MAN2A2: variants seen among roughly 807,000 people sequenced by gnomAD.
MAN2A2 encodes mannosidase alpha class 2A member 2.
A neutral mutation model predicts 126.8 loss-of-function variants in MAN2A2; 79 were observed. The ratio of observed to expected loss-of-function variants is 0.62; its 90% CI spans 0.52 to 0.75. The LOEUF (loss-of-function observed/expected upper bound fraction) is 0.75, where lower values mean the gene tolerates loss of function less well. MAN2A2 is among the 30% of genes least tolerant of loss of function. The pLI, the probability that MAN2A2 is intolerant of heterozygous loss-of-function variation, is 0.00. For missense variants in MAN2A2, 1,392 were observed against 1,522.4 expected, an observed-to-expected ratio of 0.91 and a Z score of 1.43; for synonymous variants, 671 against 618.7, an observed-to-expected ratio of 1.08 and a Z score of -1.25.
rs1415628616 is a variant in MAN2A2, at chr15:90,916,139, C to G, written c.2877C>G (p.Ile959Met). Residue 959 changes from isoleucine to methionine, a missense_variant, in exon 20 of 23, where the codon ATC (isoleucine) becomes ATG (methionine). Coordinates refer to ENST00000559717, the MANE Select transcript of MAN2A2 (RefSeq NM_006122.4). Reference protein sequence around the residue: ...SSLKDGQLEVILDRRLMQDDN... With the variant: ...SSLKDGQLEVMLDRRLMQDDN... The stretch of plus-strand genomic sequence containing the variant: ...CTTCCCCAGGCCAGCTGGAGGTGAT[C>G]TTGGACCGGCGGCTGATGCAGGATG... The G allele has an allele frequency of 6.2e-7, 1 of 1,614,074 alleles. No individual in the cohort carries two copies. Among genetic ancestry groups the G allele is most frequent in the Non-Finnish European group, 8.5e-7 (1 of 1,179,988 alleles).
chr15:90,910,837 C>T lies in MAN2A2; in HGVS notation c.1761-10C>T, dbSNP rs754701818. The T allele has an allele frequency of 5.0e-6, 8 of 1,611,366 alleles. No individual in the cohort carries two copies. Among genetic ancestry groups the T allele is most frequent in the Non-Finnish European group, 6.8e-6 (8 of 1,177,688 alleles). On this transcript the variant is annotated splice_polypyrimidine_tract_variant and intron_variant, in intron 11 of 22. Transcript: ENST00000559717. ...ATCTTCTCTCCTTCCCTCTCCTGCG[C>T]CACCCACAGGCTTCTGCGCTCCCTT...
chr15:90,918,826 G>A (rs1029317601), intron 22 of MAN2A2, 71 bp downstream of exon 22: 118 of 1,108,686 alleles, frequency 1.1e-4, no homozygotes, highest in Non-Finnish European at 1.5e-4. Flanking sequence ...GCTGAGATTC[G>A]GTGACAGGCT....
intron 10 of MAN2A2, 63 bp downstream of exon 10, chr15:90,910,355 G>T: frequency 6.3e-7 from 1 of 1,596,086 alleles, no homozygotes; most frequent in Non-Finnish European, 8.6e-7. Flanking sequence ...TTTAAGGAGG[G>T]GCTGGATTGG....
In MAN2A2 at chr15:90,904,292, G is replaced by A. The variant is rs750038021; in HGVS notation, c.85G>A (p.Val29Met). 2.5e-6 allele frequency: 4 copies of A among 1,614,028 alleles called. No individual in the cohort carries two copies. The highest frequency in any genetic ancestry group is 3.4e-6 in the Non-Finnish European group (4 of 1,180,034). Reference sequence around the variant, plus strand: ...CTCGCTCTACCTCATGCTGGACCGAGTGCAACACGATCCCACCCGACACCA... The same window carrying A: ...CTCGCTCTACCTCATGCTGGACCGAATGCAACACGATCCCACCCGACACCA... ...VFSLYLMLDR[V>M]QHDPTRHQNG... The change falls in exon 2 of 23, where the codon GTG (valine) becomes ATG (methionine). Residue 29 changes from valine (V) to methionine (M), a missense_variant. Physicochemically the swap from Val to Met is conservative, Grantham distance 21. Transcript: ENST00000559717.
chr15:90,907,705 G>A (rs967663160), intron 8 of MAN2A2, among the ~76,000 whole-genome samples: 1 of 152,214 alleles, frequency 6.6e-6, no homozygotes, highest in Non-Finnish European at 1.5e-5. Context: ...AGTACTTCTT[G>A]ATGCCCTAAC....
chr15:90,919,930 A>C lies in MAN2A2; in HGVS notation c.*143A>C. 1 of 1,004,710 alleles carries C rather than the reference A, an allele frequency of 1.0e-6. No homozygotes were observed. The highest frequency in any genetic ancestry group is 1.4e-6 in the Non-Finnish European group (1 of 693,168). The allele number at this position is 1,004,710 out of a possible 1,614,324, so 62.2% of individuals were successfully genotyped here. A position where few individuals can be genotyped will look rare whatever the true frequency, so the allele number is the denominator to read the frequency against. ...TGGGCTCTGCCCTCATTTTCTGTTT[A>C]TTGCTGCTGCTGTGTTTTCGGCGCA... On this transcript the variant is annotated 3_prime_UTR_variant, in exon 23 of 23. Coordinates refer to ENST00000559717, the MANE Select transcript of MAN2A2 (RefSeq NM_006122.4).
At position 90,922,459 on chromosome 15, in the gene MAN2A2, G is replaced by A. The variant is rs984844518; in HGVS notation, c.*2672G>A. On this transcript the variant is annotated 3_prime_UTR_variant, in exon 23 of 23. Coordinates refer to ENST00000559717, the MANE Select transcript of MAN2A2 (RefSeq NM_006122.4). ...TGTGAGCTATAATCCTACTAGTAAA[G>A]GATGCTAAGCAGTTCCACTGTGGCA... 6.6e-6 allele frequency: 1 copy of A among 152,170 alleles called. No individual in the cohort carries two copies. The highest frequency in any genetic ancestry group is 1.5e-5 in the Non-Finnish European group (1 of 68,036). 9.4% of individuals were successfully genotyped at this position (152,170 alleles called of 1,614,324 possible).
rs1263072325 is a variant in MAN2A2 at position 90,904,304 on chromosome 15, C to T, written c.97C>T (p.Pro33Ser). 1 of 1,614,126 alleles carries T rather than the reference C, an allele frequency of 6.2e-7. No individual in the cohort carries two copies. Among genetic ancestry groups the T allele is most frequent in the South Asian group, 1.1e-5 (1 of 91,086 alleles). Residue 33 changes from proline (P) to serine (S), a missense_variant, in exon 2 of 23, where the codon CCC becomes TCC. By Grantham distance (74) the Pro-to-Ser change is moderately conservative. Transcript: ENST00000559717. ...CATGCTGGACCGAGTGCAACACGAT[C>T]CCACCCGACACCAGAATGGTGGGAA... is the stretch of plus-strand genomic sequence containing the variant. ...YLMLDRVQHD[P>S]TRHQNGGNFP...
Position 90,910,624 on chromosome 15 carries a change from G to C in MAN2A2, c.1701G>C (p.Gln567His). 4 of 1,614,174 alleles carry C rather than the reference G, an allele frequency of 2.5e-6. No individual in the cohort carries two copies. Among genetic ancestry groups the C allele is most frequent in the Non-Finnish European group, 3.4e-6 (4 of 1,180,026 alleles). ...TEARRTLGLFQHHDAITGTAK... is the reference protein window; with the variant it reads ...TEARRTLGLFHHHDAITGTAK... ...CTCGGCGCACATTGGGGCTCTTCCA[G>C]CATCACGATGCCATCACTGGCACGG... The change falls in exon 11 of 23, where the codon CAG becomes CAC. Residue 567 changes from glutamine (Q) to histidine (H), a missense_variant. By Grantham distance (24) the Gln-to-His change is conservative. Coordinates refer to ENST00000559717, the MANE Select transcript of MAN2A2 (RefSeq NM_006122.4).
Position 90,906,454 on chromosome 15 carries a change from T to C in MAN2A2, c.792T>C (p.Ile264=). ...CCAATTCCCACTACTTTGCATTGAT[T>C]GACCAGCTCATCGAAGGACACCAGT... is the stretch of plus-strand genomic sequence containing the variant. ...DEANSHYFAL[I]DQLIEGHQWL... Residue 264 remains isoleucine (I), a synonymous_variant, in exon 6 of 23, where the codon ATT becomes ATC. Transcript: ENST00000559717. 1 of 1,614,152 alleles carries C rather than the reference T, an allele frequency of 6.2e-7. No homozygotes were observed. Among genetic ancestry groups the C allele is most frequent in the Non-Finnish European group, 8.5e-7 (1 of 1,179,996 alleles).
In MAN2A2 at chr15:90,905,864, C is replaced by A; in HGVS notation, c.555C>A (p.Asp185Glu). Residue 185 changes from aspartate (D) to glutamate (E), a missense_variant, in exon 5 of 23, where the codon GAC becomes GAA. Physicochemically the swap from Asp to Glu is conservative, Grantham distance 45. Coordinates refer to ENST00000559717, the MANE Select transcript of MAN2A2 (RefSeq NM_006122.4). Reference protein sequence around the residue: ...HNDPGWIKTFDKYYTEQTQHI... With the variant: ...HNDPGWIKTFEKYYTEQTQHI... ...CCCTAGGCTGGATCAAGACCTTTGA[C>A]AAGTACTACACAGAGCAGACCCAAC... 6.3e-7 allele frequency: 1 copy of A among 1,579,326 alleles called. No homozygotes were observed. The highest frequency in any genetic ancestry group is 8.6e-7 in the Non-Finnish European group (1 of 1,162,332).
chr15:90,916,744 G>A (rs2035217654), intron 20 of MAN2A2: 1 of 1,027,684 alleles, frequency 9.7e-7, no homozygotes, highest in African/African-American at 1.7e-5. Context: ...CCGCCACTCA[G>A]TCACTCGTGC....
intron 20 of MAN2A2, 117 bp downstream of exon 20, chr15:90,916,373 G>A (rs1354089397): frequency 7.2e-7 from 1 of 1,380,428 alleles, no homozygotes; most frequent in Non-Finnish European, 9.9e-7. Context: ...AGAGAGAGTA[G>A]GGCTGAATTC....
chr15:90,910,997 G>C, intron 12 of MAN2A2, 36 bp downstream of exon 12: 1 of 1,565,544 alleles, frequency 6.4e-7, no homozygotes. Context: ...GGACCCTCTG[G>C]TGTGTGCAGG....
rs2035496625 is a variant in MAN2A2 at position 90,920,547 on chromosome 15, GT to G, written c.*761del. ...TGATTTGTGGGATGGTGGCAGGGGT[GT>G]GGGGTCCTTCACCCTGCCTGAATTC... On this transcript the variant is annotated 3_prime_UTR_variant, in exon 23 of 23. Transcript: ENST00000559717. 6.6e-6 allele frequency: 1 copy of G among 152,338 alleles called. No individual in the cohort carries two copies. The highest frequency in any genetic ancestry group is 1.5e-5 in the Non-Finnish European group (1 of 68,110). The allele number at this position is 152,338 out of a possible 1,614,324, so 9.4% of individuals were successfully genotyped here. A position where few individuals can be genotyped will look rare whatever the true frequency, so the allele number is the denominator to read the frequency against.
Position 90,910,946 on chromosome 15 carries a change from GC to G in MAN2A2, c.1863del (p.Phe622SerfsTer9). The G allele has an allele frequency of 6.2e-7, 1 of 1,613,826 alleles. No homozygotes were observed. Among genetic ancestry groups the G allele is most frequent in the Non-Finnish European group, 8.5e-7 (1 of 1,179,802 alleles). On this transcript the variant is annotated frameshift_variant, in exon 12 of 23. Transcript: ENST00000559717. LOFTEE classifies it high-confidence loss of function. ...KETYHFDPEA[P>X]FLQVDDTRLS... ...AGACCTACCACTTTGACCCTGAGGCGCCCTTCCTCCAAGTGGTGAGCCCCTC... is the reference window on the plus strand; with the variant it reads ...AGACCTACCACTTTGACCCTGAGGCGCCTTCCTCCAAGTGGTGAGCCCCTC...
chr15:90,918,318 C>T lies in MAN2A2; in HGVS notation c.3119C>T (p.Ser1040Leu), dbSNP rs747316966. ...CAGCTCCCAGGCCCTGGTCTGCGCTCATTTCATCCTCTGGCTTCCTCACTG... is the reference window on the plus strand; with the variant it reads ...CAGCTCCCAGGCCCTGGTCTGCGCTTATTTCATCCTCTGGCTTCCTCACTG... ...RMQLPGPGLR[S>L]FHPLASSLPC... The change falls in exon 21 of 23, where the codon TCA becomes TTA. Residue 1040 changes from serine to leucine, a missense_variant. Ser to Leu is a moderately radical substitution (Grantham distance 145, BLOSUM62 -2). Coordinates refer to ENST00000559717, the MANE Select transcript of MAN2A2 (RefSeq NM_006122.4). 2 of 1,614,194 alleles carry T rather than the reference C, an allele frequency of 1.2e-6. No individual in the cohort carries two copies. Among genetic ancestry groups the T allele is most frequent in the East Asian group, 4.5e-5 (2 of 44,876 alleles).
Position 90,910,657 on chromosome 15 carries a change from G to A in MAN2A2, c.1734G>A (p.Glu578=). ...HHDAITGTAK[E]AVVVDYGVRL... ...ATGCCATCACTGGCACGGCCAAGGA[G>A]GCTGTGGTGGTGGACTATGGGGTCA... is the stretch of plus-strand genomic sequence containing the variant. The change falls in exon 11 of 23, where the codon GAG becomes GAA. Residue 578 remains glutamate, a synonymous_variant. Transcript: ENST00000559717. The A allele has an allele frequency of 6.2e-7, 1 of 1,614,134 alleles. No homozygotes were observed. The highest frequency in any genetic ancestry group is 8.5e-7 in the Non-Finnish European group (1 of 1,180,028).
At chr15:90,910,732 A>G in intron 11 of MAN2A2, 49 bp downstream of exon 11, 2 of 1,608,454 alleles carry the variant, frequency 1.2e-6, no homozygotes, top group South Asian at 1.1e-5. Context: ...CACTGTCCCA[A>G]AGAAAGGACA....
Sources: gnomAD v4.1 joint callset for allele counts (sites outside exome capture counted in the v4.1 genomes callset) on GRCh38, gnomAD v4.1.1 for gene constraint, MANE v1.5 for transcripts, NCBI Gene and HGNC (gene_info 2026-07-23, HGNC 2026-07-21) for gene names.